Variants in PEPD observed in about 807,000 individuals in gnomAD.
PEPD encodes peptidase D.
PEPD carries 53 observed loss-of-function variants against 60.7 expected under a neutral mutation model. That is an observed-to-expected ratio of 0.87 (90% CI 0.70 to 1.10). The LOEUF is 1.10. Among genes scored for constraint, PEPD ranks in the 50% least tolerant of loss-of-function variants. The probability of loss-of-function intolerance (pLI) is 0.00; values close to 1 mark genes in which losing one functional copy is unlikely to be tolerated. For missense variants in PEPD, 711 were observed against 711.9 expected, an observed-to-expected ratio of 1.00 and a Z score of 0.01; for synonymous variants, 267 against 284.1, an observed-to-expected ratio of 0.94 and a Z score of 0.60.
At chr19:33,498,424 A>G (rs1057308158) in intron 4 of PEPD, among the ~76,000 whole-genome samples, 1 of 152,108 alleles carries the variant, frequency 6.6e-6, no homozygotes. Context: ...TTGCTTAGAG[A>G]CCAGTTCTCC....
chr19:33,409,839 T>TC (rs1464446798), intron 11 of PEPD, among the ~76,000 whole-genome samples: 2 of 152,200 alleles, frequency 1.3e-5, no homozygotes, highest in Non-Finnish European at 2.9e-5. Context: ...CCTGGTGCCC[T>TC]CCTTGTGTCT....
Position 33,490,859 on chromosome 19 carries a change from TGCCACGTTG to T in PEPD, c.442-811_442-803del, listed in dbSNP as rs567303639. The stretch of plus-strand genomic sequence containing the variant: ...TATATTTTTAGTAGAGACATGGTTT[TGCCACGTTG>T]GCCAGGCTTGTCTCGAACTCTTGAC... On this transcript the variant is annotated intron_variant, in intron 5 of 14. Coordinates refer to ENST00000244137, the MANE Select transcript of PEPD (RefSeq NM_000285.4). 1.7e-3 allele frequency among the ~76,000 whole-genome samples: 261 copies of T among 152,058 alleles called. 4 individuals are homozygous for T. Among genetic ancestry groups the T allele is most frequent in the Admixed American group, 0.017 (254 of 15,286 alleles).
intron 7 of PEPD, among the ~76,000 whole-genome samples, chr19:33,475,558 G>C (rs141180119): frequency 6.6e-6 from 1 of 152,272 alleles, no homozygotes; most frequent in East Asian, 1.9e-4. Context: ...TAGGAACGCG[G>C]GCTCGACCTC....
intron 9 of PEPD, among the ~76,000 whole-genome samples, chr19:33,442,699 A>C (rs562406520): frequency 6.6e-6 from 1 of 151,996 alleles, no homozygotes; most frequent in Non-Finnish European, 1.5e-5. Context: ...ACAGAGCGAG[A>C]CTCCATCTCA....
intron 11 of PEPD, among the ~76,000 whole-genome samples, chr19:33,403,651 G>A (rs1027409370): frequency 2.6e-5 from 4 of 152,218 alleles, no homozygotes; most frequent in Non-Finnish European, 4.4e-5. Flanking sequence ...GACAGGCAGC[G>A]TCAGCCGCCC....
intron 9 of PEPD, among the ~76,000 whole-genome samples, chr19:33,444,991 TGGA>T (rs2145240714): frequency 6.6e-6 from 1 of 152,316 alleles, no homozygotes; most frequent in East Asian, 1.9e-4. Flanking sequence ...TTCAGAAAGC[TGGA>T]GGTCACCACA....
chr19:33,408,963 T>C (rs1442072524), intron 11 of PEPD, among the ~76,000 whole-genome samples: 2 of 152,254 alleles, frequency 1.3e-5, no homozygotes, highest in Non-Finnish European at 2.9e-5. Context: ...AATAAACTCA[T>C]AATTACTCTA....
At chr19:33,476,940 G>A (rs1970228200) in intron 7 of PEPD, 1 of 152,358 alleles carries the variant, frequency 6.6e-6, no homozygotes, top group Admixed American at 6.5e-5. Flanking sequence ...TGGGATTATA[G>A]GCCTGAGCCA....
At chr19:33,422,513 T>C (rs1021798056) in intron 9 of PEPD, among the ~76,000 whole-genome samples, 4 of 151,168 alleles carry the variant, frequency 2.6e-5, no homozygotes, top group Non-Finnish European at 1.5e-5. Context: ...CCTATCCATC[T>C]ATCATCTATT....
At chr19:33,420,333 T>C (rs1968985718) in intron 9 of PEPD, among the ~76,000 whole-genome samples, 2 of 151,312 alleles carry the variant, frequency 1.3e-5, no homozygotes, top group South Asian at 4.2e-4. Context: ...CTCTATCCAA[T>C]ATTTTGTTGA....
At chr19:33,494,804 C>G (rs956211717) in intron 4 of PEPD, among the ~76,000 whole-genome samples, 1 of 152,172 alleles carries the variant, frequency 6.6e-6, no homozygotes, top group African/African-American at 2.4e-5. Context: ...AACAGCGCAG[C>G]CCAGATTTGA....
chr19:33,412,202 C>T (rs1205851363), intron 10 of PEPD, among the ~76,000 whole-genome samples: 1 of 152,182 alleles, frequency 6.6e-6, no homozygotes, highest in Non-Finnish European at 1.5e-5. Flanking sequence ...AAAAAATTAG[C>T]TGGGTTAGGT....
At chr19:33,420,284 GA>G (rs1237394258) in intron 9 of PEPD, among the ~76,000 whole-genome samples, 3 of 151,938 alleles carry the variant, frequency 2.0e-5, no homozygotes, top group Non-Finnish European at 4.4e-5. Context: ...TCTGCACAAA[GA>G]AAAAAAGTCA....
intron 9 of PEPD, among the ~76,000 whole-genome samples, chr19:33,460,253 GC>G (rs1237671203): frequency 6.6e-6 from 1 of 152,138 alleles, no homozygotes; most frequent in Non-Finnish European, 1.5e-5. Flanking sequence ...CAGACACCGC[GC>G]AGATAAATGA....
chr19:33,471,091 T>C (rs1970112179), intron 7 of PEPD, among the ~76,000 whole-genome samples: 1 of 152,186 alleles, frequency 6.6e-6, no homozygotes, highest in South Asian at 2.1e-4. Flanking sequence ...AGGGACCTAC[T>C]TGCTTTTCTA....
At position 33,521,769 on chromosome 19, in the gene PEPD, G is replaced by A. The variant is rs987971055; in HGVS notation, c.-9C>T. The A allele has an allele frequency of 1.7e-5, 27 of 1,575,572 alleles. No individual in the cohort carries two copies. In the African/African-American group the frequency reaches 2.3e-4, roughly 13 times the overall value. The stretch of plus-strand genomic sequence containing the variant: ...CCGGTGGCCGCCGCCATGTTCGCCC[G>A]GCACCGGCGTCACGTGAAGTGCGGC... On this transcript the variant is annotated 5_prime_UTR_variant, in exon 1 of 15. Transcript: ENST00000244137.
At chr19:33,452,766 C>A (rs1382545091) in intron 9 of PEPD, among the ~76,000 whole-genome samples, 1 of 152,078 alleles carries the variant, frequency 6.6e-6, no homozygotes, top group Admixed American at 6.5e-5. Flanking sequence ...CTAAAACAAT[C>A]CCATAGGAAA....
chr19:33,410,898 T>A (rs1461314306), intron 11 of PEPD, among the ~76,000 whole-genome samples: 1 of 151,954 alleles, frequency 6.6e-6, no homozygotes, highest in African/African-American at 2.4e-5. Flanking sequence ...CTGGCTGACA[T>A]CTGACGTGCA....
intron 3 of PEPD, among the ~76,000 whole-genome samples, chr19:33,508,262 G>A (rs572245552): frequency 3.3e-5 from 5 of 152,260 alleles, no homozygotes; most frequent in South Asian, 2.1e-4. Flanking sequence ...GGTGTCACCC[G>A]GAGCCAAGGG....
Sources: gnomAD v4.1 joint callset for allele counts (sites outside exome capture counted in the v4.1 genomes callset) on GRCh38, gnomAD v4.1.1 for gene constraint, MANE v1.5 for transcripts, NCBI Gene and HGNC (gene_info 2026-07-23, HGNC 2026-07-21) for gene names.